Variants in PTPRK observed in about 807,000 individuals in gnomAD.
PTPRK encodes protein tyrosine phosphatase receptor type K.
PTPRK carries 75 observed loss-of-function variants against 178.0 expected under a neutral mutation model. That is an observed-to-expected ratio of 0.42 (90% confidence interval 0.35 to 0.51). The LOEUF (loss-of-function observed/expected upper bound fraction) is 0.51. PTPRK is among the 20% of genes least tolerant of loss of function. The pLI, the probability that PTPRK is intolerant of heterozygous loss-of-function variation, is 0.02. For synonymous variants in PTPRK, 637 were observed against 620.6 expected, an observed-to-expected ratio of 1.03 and a Z score of -0.39; for missense variants, 1,441 against 1,797.8, an observed-to-expected ratio of 0.80 and a Z score of 3.59.
intron 3 of PTPRK, among the ~76,000 whole-genome samples, chr6:128,266,123 A>T (rs1818907844): frequency 6.6e-6 from 1 of 152,148 alleles, no homozygotes; most frequent in African/African-American, 2.4e-5. Context: ...ATTTTGCTAT[A>T]GCAGACTGAA....
intron 29 of PTPRK, among the ~76,000 whole-genome samples, chr6:127,971,542 C>T (rs35830004): frequency 6.6e-6 from 1 of 152,102 alleles, no homozygotes; most frequent in African/African-American, 2.4e-5. Context: ...GCAATATTGC[C>T]TTCACTCTAA....
In PTPRK at chr6:128,078,909, A is replaced by G. The variant is rs1784316047; in HGVS notation, c.1787T>C (p.Leu596Ser). 2 of 1,606,950 alleles carry G rather than the reference A, an allele frequency of 1.2e-6. No individual in the cohort carries two copies. The highest frequency in any genetic ancestry group is 1.3e-5 in the African/African-American group (1 of 74,696). The change falls in exon 11 of 30, where the codon TTA (leucine) becomes TCA (serine). Residue 596 changes from leucine (L) to serine (S), a missense_variant. This residue lies in a region of PTPRK where 945 missense variants were observed against 1,080.6 expected (regional missense o/e 0.87). Coordinates refer to ENST00000368226, the MANE Select transcript of PTPRK (RefSeq NM_002844.4). The stretch of plus-strand genomic sequence containing the variant: ...GGCATCAACTCCTTCATAGTCAGGT[A>G]AAGTTGGAGCTGATGAGTGATTAAT... ...NVTTNISAPTLPDYEGVDASL... is the reference protein window; with the variant it reads ...NVTTNISAPTSPDYEGVDASL...
chr6:128,163,194 T>C (rs1798930929), intron 7 of PTPRK, among the ~76,000 whole-genome samples: 1 of 151,372 alleles, frequency 6.6e-6, no homozygotes, highest in Admixed American at 6.6e-5. Flanking sequence ...GGTAGATTTA[T>C]TCTATAAAAA....
chr6:128,468,258 T>G (rs1313905293), intron 1 of PTPRK, among the ~76,000 whole-genome samples: 1 of 152,162 alleles, frequency 6.6e-6, no homozygotes, highest in Non-Finnish European at 1.5e-5. Context: ...GCTCACAATT[T>G]GTAGGAATAT....
In PTPRK at chr6:128,235,123, C is replaced by A. The variant is rs150950613; in HGVS notation, c.693+4912G>T. ...TTGTTCCAAAAATATCACATGTACC[C>A]CATAAATATGTACAAGTAGTATGTA... On this transcript the variant is annotated intron_variant, in intron 5 of 29. Transcript: ENST00000368226. Among the ~76,000 whole-genome samples the A allele has an allele frequency of 8.5e-3, 1,285 of 151,392 alleles. 5 individuals are homozygous for A. The highest frequency in any genetic ancestry group is 0.024 in the Middle Eastern group (7 of 290).
chr6:128,300,197 G>A (rs1825328083), intron 3 of PTPRK, among the ~76,000 whole-genome samples: 2 of 151,980 alleles, frequency 1.3e-5, no homozygotes, highest in African/African-American at 2.4e-5. Flanking sequence ...AGTTAGAATG[G>A]CAATCATTAA....
intron 1 of PTPRK, among the ~76,000 whole-genome samples, chr6:128,516,461 A>C (rs1254664902): frequency 6.6e-6 from 1 of 152,190 alleles, no homozygotes; most frequent in Non-Finnish European, 1.5e-5. Flanking sequence ...GTGGAGTTTT[A>C]ATGAATTGAG....
chr6:128,209,615 C>T (rs1438780094), intron 6 of PTPRK, among the ~76,000 whole-genome samples: 17 of 152,138 alleles, frequency 1.1e-4, no homozygotes, highest in South Asian at 6.2e-4. Context: ...GTTTTTTTGA[C>T]AATATTTGAT....
intron 7 of PTPRK, among the ~76,000 whole-genome samples, chr6:128,125,364 C>T (rs9385451): frequency 0.98 from 149,606 of 152,066 alleles, 73,600 homozygotes; most frequent in East Asian, 1. Flanking sequence ...TAAAAGTGTA[C>T]AGCATCTTCC....
At chr6:128,281,437 G>C (rs1187003463) in intron 3 of PTPRK, among the ~76,000 whole-genome samples, 1 of 152,112 alleles carries the variant, frequency 6.6e-6, no homozygotes, top group Non-Finnish European at 1.5e-5. Context: ...GAATGTGAAA[G>C]GGGCAAAGGC....
intron 7 of PTPRK, among the ~76,000 whole-genome samples, chr6:128,116,971 C>T (rs530927911): frequency 1.3e-5 from 2 of 151,926 alleles, no homozygotes; most frequent in Admixed American, 1.3e-4. Flanking sequence ...ATGGTGAAAC[C>T]CTGTCTCTAC....
At chr6:128,218,676 C>T (rs2128271574) in intron 6 of PTPRK, among the ~76,000 whole-genome samples, 1 of 152,236 alleles carries the variant, frequency 6.6e-6, no homozygotes, top group East Asian at 1.9e-4. Context: ...TATATTTAGT[C>T]CACTTAGAGC....
intron 1 of PTPRK, among the ~76,000 whole-genome samples, chr6:128,511,794 G>T (rs1857228287): frequency 6.6e-6 from 1 of 152,104 alleles, no homozygotes; most frequent in African/African-American, 2.4e-5. Context: ...GACTCATATA[G>T]CCACTTGGGA....
chr6:128,343,031 T>C (rs926399950), intron 2 of PTPRK, among the ~76,000 whole-genome samples: 4 of 152,180 alleles, frequency 2.6e-5, no homozygotes, highest in Non-Finnish European at 5.9e-5. Context: ...ATCTTTCTTA[T>C]TGTGAAAAAG....
intron 1 of PTPRK, among the ~76,000 whole-genome samples, chr6:128,466,677 C>T (rs1849884256): frequency 1.3e-5 from 2 of 152,068 alleles, no homozygotes; most frequent in South Asian, 4.1e-4. Flanking sequence ...ACTCATTTTA[C>T]AATATACAAT....
intron 1 of PTPRK, among the ~76,000 whole-genome samples, chr6:128,441,437 C>T (rs1210486734): frequency 1.3e-5 from 2 of 151,526 alleles, no homozygotes; most frequent in African/African-American, 2.4e-5. Context: ...CTTTGAAGTG[C>T]TCTTTTATTA....
At chr6:128,196,767 A>G (rs1804924113) in intron 6 of PTPRK, among the ~76,000 whole-genome samples, 1 of 152,258 alleles carries the variant, frequency 6.6e-6, no homozygotes, top group Non-Finnish European at 1.5e-5. Context: ...GATAAATACC[A>G]TGCCTTTAAA....
At chr6:128,114,888 C>T (rs1791236524) in intron 7 of PTPRK, among the ~76,000 whole-genome samples, 2 of 151,936 alleles carry the variant, frequency 1.3e-5, no homozygotes, top group Admixed American at 1.3e-4. Context: ...GTATAAGTGG[C>T]ATTTATGTCA....
intron 7 of PTPRK, among the ~76,000 whole-genome samples, chr6:128,164,656 A>T (rs1799140142): frequency 6.6e-6 from 1 of 151,306 alleles, no homozygotes; most frequent in African/African-American, 2.4e-5. Flanking sequence ...GCTGGCATAA[A>T]CTGGTTTGCT....
Sources: gnomAD v4.1 joint callset for allele counts (sites outside exome capture counted in the v4.1 genomes callset) on GRCh38, gnomAD v4.1.1 for gene constraint, gnomAD v4.1.1 regional missense constraint, MANE v1.5 for transcripts, NCBI Gene and HGNC (gene_info 2026-07-23, HGNC 2026-07-21) for gene names.